The following SBF2 variants were observed in gnomAD, a reference collection of about 807,000 sequenced individuals.
SBF2 encodes the protein SET binding factor 2, also known as myotubularin-related protein 13.
A neutral mutation model predicts 225.2 loss-of-function variants in SBF2; 112 were observed. That is an observed-to-expected ratio of 0.50 (90% CI 0.43 to 0.58). SBF2 has a LOEUF of 0.58. Ranked by LOEUF, SBF2 falls within the 20% of genes least tolerant of loss-of-function variation. The pLI, the probability that SBF2 is intolerant of heterozygous loss-of-function variation, is 0.00. For missense variants in SBF2, 1,996 were observed against 2,206.2 expected, an observed-to-expected ratio of 0.90 and a Z score of 1.91; for synonymous variants, 763 against 773.3, an observed-to-expected ratio of 0.99 and a Z score of 0.22.
chr11:9,993,302 A>G (rs1381878721), intron 10 of SBF2, among the ~76,000 whole-genome samples, 199 bp from the exon 11 acceptor site: 7 of 152,240 alleles, frequency 4.6e-5, no homozygotes, highest in African/African-American at 1.7e-4. Context: ...ATCACAGTTT[A>G]GAACTGTAAG....
intron 1 of SBF2, among the ~76,000 whole-genome samples, chr11:10,268,948 C>T: frequency 6.6e-6 from 1 of 152,158 alleles, no homozygotes; most frequent in East Asian, 1.9e-4. Flanking sequence ...GCATCTTCGT[C>T]TTCATGAAGC....
chr11:10,004,591 A>C (rs1336123918), intron 6 of SBF2, among the ~76,000 whole-genome samples: 20 of 149,270 alleles, frequency 1.3e-4, no homozygotes, highest in African/African-American at 3.6e-4. Flanking sequence ...AAAAAAAAAA[A>C]AAAACAAACT....
intron 28 of SBF2, among the ~76,000 whole-genome samples, chr11:9,828,861 A>G (rs1855216031): frequency 6.6e-6 from 1 of 152,236 alleles, no homozygotes. Context: ...GACTTTATTT[A>G]TATTTCCCAC....
intron 1 of SBF2, among the ~76,000 whole-genome samples, chr11:10,219,077 T>C (rs1008893735): frequency 6.6e-6 from 1 of 152,210 alleles, no homozygotes; most frequent in African/African-American, 2.4e-5. Context: ...GGGGACTCTG[T>C]GTGGCGGCTC....
intron 28 of SBF2, among the ~76,000 whole-genome samples, chr11:9,818,154 A>G (rs1052718415): frequency 6.6e-6 from 1 of 152,152 alleles, no homozygotes; most frequent in African/African-American, 2.4e-5. Flanking sequence ...CATGTTGATC[A>G]GGCTGGTCTC....
chr11:10,058,802 G>T (rs1269352929), intron 2 of SBF2, among the ~76,000 whole-genome samples: 1 of 152,220 alleles, frequency 6.6e-6, no homozygotes, highest in Non-Finnish European at 1.5e-5. Context: ...CAGGCTGACA[G>T]TAGACCATTC....
chr11:9,831,606 G>A (rs1407750363), intron 27 of SBF2, among the ~76,000 whole-genome samples: 2 of 152,150 alleles, frequency 1.3e-5, no homozygotes, highest in Admixed American at 6.5e-5. Context: ...CTATTATGAG[G>A]CAGAAGCTAT....
chr11:9,783,094 G>A (rs1009784824), intron 38 of SBF2: 7 of 119,532 alleles, frequency 5.9e-5, no homozygotes, highest in African/African-American at 1.9e-4. Context: ...TCATGTTAAA[G>A]AAGTCCAGAA....
At chr11:9,807,859 T>C in intron 32 of SBF2, 141 bp downstream of exon 32, 3 of 810,070 alleles carry the variant, frequency 3.7e-6, no homozygotes, top group Admixed American at 4.1e-5. Context: ...AGTCTACTGC[T>C]AAGATTTCAG....
At chr11:9,941,316 T>C (rs1286699504) in intron 16 of SBF2, among the ~76,000 whole-genome samples, 1 of 151,644 alleles carries the variant, frequency 6.6e-6, no homozygotes, top group Non-Finnish European at 1.5e-5. Context: ...AGCAAGACCC[T>C]GTCTCTTCAG....
chr11:10,229,733 CTA>C (rs1251721846), intron 1 of SBF2, among the ~76,000 whole-genome samples: 1 of 152,084 alleles, frequency 6.6e-6, no homozygotes, highest in Non-Finnish European at 1.5e-5. Context: ...TTACTTCCAA[CTA>C]TGTGGTCAAT....
chr11:10,160,009 G>T (rs1955661927), intron 2 of SBF2, among the ~76,000 whole-genome samples: 1 of 152,104 alleles, frequency 6.6e-6, no homozygotes, highest in African/African-American at 2.4e-5. Flanking sequence ...CAATTCCCCT[G>T]TCTTGATGAA....
At chr11:10,106,401 C>G (rs188888295) in intron 2 of SBF2, among the ~76,000 whole-genome samples, 18 of 152,074 alleles carry the variant, frequency 1.2e-4, no homozygotes, top group African/African-American at 4.1e-4. Context: ...CCGAGGCAGG[C>G]GGCTCACCTG....
intron 2 of SBF2, among the ~76,000 whole-genome samples, chr11:10,126,020 A>T (rs1225946669): frequency 6.6e-6 from 1 of 152,166 alleles, no homozygotes; most frequent in Non-Finnish European, 1.5e-5. Flanking sequence ...ATGACTTATT[A>T]CTGGTGATGT....
chr11:9,932,795 T>G (rs7110729), intron 16 of SBF2, among the ~76,000 whole-genome samples: 119,967 of 151,654 alleles, frequency 0.79, 47,797 homozygotes, highest in African/African-American at 0.86. Context: ...AACCTTAAAT[T>G]TAAATGGGCT....
intron 3 of SBF2, among the ~76,000 whole-genome samples, chr11:10,042,565 C>G (rs545147830): frequency 6.6e-6 from 1 of 152,252 alleles, no homozygotes; most frequent in Non-Finnish European, 1.5e-5. Context: ...ACAGGTTCAC[C>G]AAGAGAAGAA....
At chr11:10,046,584 C>T (rs1181686184) in intron 2 of SBF2, among the ~76,000 whole-genome samples, 1 of 151,516 alleles carries the variant, frequency 6.6e-6, no homozygotes, top group Non-Finnish European at 1.5e-5. Context: ...TAAACAGCCT[C>T]AGTACACTAG....
intron 29 of SBF2, among the ~76,000 whole-genome samples, chr11:9,815,816 TGAGCATTAC>T (rs1854427077): frequency 6.6e-6 from 1 of 152,194 alleles, no homozygotes. Flanking sequence ...ATTTAAAACT[TGAGCATTAC>T]CCAGCAGTTT....
intron 18 of SBF2, 141 bp downstream of exon 18, chr11:9,858,085 A>G (rs920883081): frequency 8.2e-6 from 7 of 849,988 alleles, no homozygotes; most frequent in Non-Finnish European, 1.4e-5. Context: ...CAACAGAGGA[A>G]AGATATCACA....
Sources: allele counts gnomAD v4.1 joint callset (sites outside exome capture counted in the v4.1 genomes callset), GRCh38; gene constraint gnomAD v4.1.1; transcripts MANE v1.5; gene names NCBI Gene and HGNC (gene_info 2026-07-23, HGNC 2026-07-21).